Variants in RAB44 observed in about 807,000 individuals in gnomAD.
RAB44 encodes RAB44, member RAS oncogene family.
In RAB44, 67 loss-of-function variants were observed where a neutral mutation model predicts 93.3. That is an observed-to-expected ratio of 0.72 (90% CI 0.59 to 0.88). The LOEUF (loss-of-function observed/expected upper bound fraction) is 0.88. Ranked by LOEUF, RAB44 falls within the 40% of genes least tolerant of loss-of-function variation. The probability of loss-of-function intolerance (pLI) is 0.00; values close to 1 mark genes in which losing one functional copy is unlikely to be tolerated. For missense variants in RAB44, 1,064 were observed against 1,261.7 expected (o/e 0.84, Z 2.37); for synonymous variants, 427 against 520.3 (o/e 0.82, Z 2.44).
intron 11 of RAB44, 72 bp from the exon 12 acceptor site, chr6:36,728,628 T>C: frequency 7.8e-7 from 1 of 1,288,564 alleles, no homozygotes; most frequent in Non-Finnish European, 1.1e-6. Context: ...ACAGTTCAGC[T>C]TCTAGGAAGG....
At chr6:36,715,340 A>T in intron 3 of RAB44, 139 bp from the exon 4 acceptor site, 1 of 753,662 alleles carries the variant, frequency 1.3e-6, no homozygotes, top group Non-Finnish European at 2.1e-6. Flanking sequence ...GATATGAGAA[A>T]TATGTGAATG....
intron 1 of RAB44, among the ~76,000 whole-genome samples, chr6:36,703,757 C>T (rs938750468): frequency 3.3e-5 from 5 of 151,804 alleles, no homozygotes; most frequent in African/African-American, 4.8e-5. Context: ...GGATCCCTGA[C>T]GCAGCTGAGA....
At position 36,717,148 on chromosome 6, in the gene RAB44, G is replaced by T; in HGVS notation, c.495-125G>T. 1.1e-6 allele frequency: 1 copy of T among 908,352 alleles called. No homozygotes were observed. Among genetic ancestry groups the T allele is most frequent in the South Asian group, 5.9e-5 (1 of 17,090 alleles). 56.3% of individuals were successfully genotyped at this position (908,352 alleles called of 1,614,324 possible). ...AGTTGCATCTTGTAGGGTGTCAATA[G>T]ATTTGGCCCAGGTGCCAAAGTCTCT... On this transcript the variant is annotated intron_variant, in intron 4 of 13. Transcript: ENST00000612677. The surrounding 1 kb of genome is among the most constrained non-coding windows in gnomAD (Gnocchi z 4.1).
intron 1 of RAB44, among the ~76,000 whole-genome samples, chr6:36,698,540 T>A (rs1375336668): frequency 6.6e-6 from 1 of 152,130 alleles, no homozygotes; most frequent in Non-Finnish European, 1.5e-5. Context: ...TTTGCTCTCA[T>A]GTTTGGCTTC....
chr6:36,701,648 C>G (rs890573245), intron 1 of RAB44, among the ~76,000 whole-genome samples: 1 of 152,206 alleles, frequency 6.6e-6, no homozygotes, highest in African/African-American at 2.4e-5. Flanking sequence ...TTTCAGTGCT[C>G]TCCCAGCACC....
At chr6:36,719,642 A>T (rs965173336) in intron 7 of RAB44, among the ~76,000 whole-genome samples, 3 of 152,246 alleles carry the variant, frequency 2.0e-5, no homozygotes, top group Non-Finnish European at 4.4e-5. Context: ...GAAGAGTCGT[A>T]GGAGTTGAAA....
At position 36,704,371 on chromosome 6, in the gene RAB44, G is replaced by A. The variant is rs1312905312; in HGVS notation, c.136G>A (p.Ala46Thr). The A allele has an allele frequency of 6.5e-7, 1 of 1,536,002 alleles. No individual in the cohort carries two copies. The highest frequency in any genetic ancestry group is 1.4e-5 in the African/African-American group (1 of 73,046). ...EPESWSSQAA[A>T]ELQAFFQDCG... ...AGAGTCTTGGTCCTCTCAGGCAGCGGCAGAACTGCAGGCCTTCTTCCAGGA... is the reference window on the plus strand; with the variant it reads ...AGAGTCTTGGTCCTCTCAGGCAGCGACAGAACTGCAGGCCTTCTTCCAGGA... Residue 46 changes from alanine (A) to threonine (T), a missense_variant, in exon 2 of 14, where the codon GCA (alanine) becomes ACA (threonine). Coordinates refer to ENST00000612677, the MANE Select transcript of RAB44 (RefSeq NM_001257357.2).
At chr6:36,718,755 G>C (rs1007302391) in intron 7 of RAB44, among the ~76,000 whole-genome samples, 167 bp downstream of exon 7, 1 of 152,184 alleles carries the variant, frequency 6.6e-6, no homozygotes, top group Admixed American at 6.5e-5. Flanking sequence ...GCACGTAGTA[G>C]GTGCTTTGTG....
At position 36,732,926 on chromosome 6, in the gene RAB44, T is replaced by C. The variant is rs1224625290; in HGVS notation, c.*833T>C. On this transcript the variant is annotated 3_prime_UTR_variant, in exon 14 of 14. Coordinates refer to ENST00000612677, the MANE Select transcript of RAB44 (RefSeq NM_001257357.2). ...ATGCATTTGAGGGGCAGCTAGGGTG[T>C]GGCTGGGGGGTCCAAGCAGCTGGGG... 6.6e-6 allele frequency: 1 copy of C among 152,194 alleles called. No homozygotes were observed. The highest frequency in any genetic ancestry group is 1.5e-5 in the Non-Finnish European group (1 of 68,062). The allele number at this position is 152,194 out of a possible 1,614,324, so 9.4% of individuals were successfully genotyped here. A position where few individuals can be genotyped will look rare whatever the true frequency, so the allele number is the denominator to read the frequency against.
At position 36,731,698 on chromosome 6, in the gene RAB44, C is replaced by A. The variant is rs1763368073; in HGVS notation, c.2976-305C>A. ...CTGGTGTGAAGTCCCTGTGTGCCTC[C>A]CCATCATTCCCGGGCTGCAGTCACC... On this transcript the variant is annotated intron_variant, in intron 13 of 13. Coordinates refer to ENST00000612677, the MANE Select transcript of RAB44 (RefSeq NM_001257357.2). The surrounding 1 kb of genome is among the most constrained non-coding windows in gnomAD (Gnocchi z 4.0). Among the ~76,000 whole-genome samples, 1 of 152,128 alleles carries A rather than the reference C, an allele frequency of 6.6e-6. No homozygotes were observed. The highest frequency in any genetic ancestry group is 6.5e-5 in the Admixed American group (1 of 15,282).
At chr6:36,705,571 C>T (rs991573543) in intron 2 of RAB44, among the ~76,000 whole-genome samples, 44 of 152,010 alleles carry the variant, frequency 2.9e-4, no homozygotes, top group African/African-American at 9.7e-4. Context: ...TTAGTAGAGA[C>T]GGGGTTTCAC....
At chr6:36,704,891 G>A (rs1299796368) in intron 2 of RAB44, among the ~76,000 whole-genome samples, 3 of 151,956 alleles carry the variant, frequency 2.0e-5, no homozygotes, top group African/African-American at 7.3e-5. Context: ...AGGCCGAGGC[G>A]GGCGGATCAC....
intron 2 of RAB44, among the ~76,000 whole-genome samples, chr6:36,713,247 G>A (rs1050396352): frequency 2.6e-5 from 4 of 152,204 alleles, no homozygotes; most frequent in African/African-American, 9.7e-5. Flanking sequence ...CCAGGCTGGA[G>A]TGCAATGGCA....
At chr6:36,718,172 G>T in intron 6 of RAB44, 54 bp downstream of exon 6, 1 of 1,169,226 alleles carries the variant, frequency 8.6e-7, no homozygotes, top group East Asian at 3.2e-5. Context: ...CACCTCTGCT[G>T]GCTAAGGAAT....
chr6:36,705,589 G>A (rs1762629701), intron 2 of RAB44, among the ~76,000 whole-genome samples: 1 of 152,054 alleles, frequency 6.6e-6, no homozygotes, highest in Non-Finnish European at 1.5e-5. Context: ...CACCATGTTG[G>A]TCAGGCTGGT....
intron 11 of RAB44, 50 bp from the exon 12 acceptor site, chr6:36,728,650 G>A: frequency 6.7e-7 from 1 of 1,489,988 alleles, no homozygotes; most frequent in Non-Finnish European, 9.2e-7. Context: ...AAATGTGCCA[G>A]GAGCCTGGCA....
rs1157555548 is a variant in RAB44, at chr6:36,709,107, G to GGTTTCA, written c.207+4665_207+4666insGTTTCA. Among the ~76,000 whole-genome samples, 8 of 151,850 alleles carry GGTTTCA rather than the reference G, an allele frequency of 5.3e-5. No homozygotes were observed. The East Asian group carries it at 1.5e-3, about 29-fold the overall frequency. On this transcript the variant is annotated intron_variant, in intron 2 of 13. Coordinates refer to ENST00000612677, the MANE Select transcript of RAB44 (RefSeq NM_001257357.2). ...TTACAGGCGCCTGCCACCACCTCTG[G>GGTTTCA]CTATTTTTTTTTATTTTTATTTTTA...
At chr6:36,720,223 C>T (rs1280002077) in intron 7 of RAB44, 140 bp from the exon 8 acceptor site, 1 of 630,460 alleles carries the variant, frequency 1.6e-6, no homozygotes, top group Admixed American at 4.4e-5. Context: ...GGGATAACCG[C>T]CCACCACTAC....
rs749770162 is a variant in RAB44, at chr6:36,731,551, C to A, written c.2976-452C>A. Among the ~76,000 whole-genome samples the A allele has an allele frequency of 6.6e-6, 1 of 152,162 alleles. No homozygotes were observed. Among genetic ancestry groups the A allele is most frequent in the Non-Finnish European group, 1.5e-5 (1 of 68,036 alleles). ...TGCTTCCCCAGCCTCCAAGCTCTCT[C>A]GGCACTGAGCCGCGCCATGGCCCTC... On this transcript the variant is annotated intron_variant, in intron 13 of 13. Transcript: ENST00000612677. The surrounding 1 kb of genome is among the most constrained non-coding windows in gnomAD (Gnocchi z 4.0).
Sources: gnomAD v4.1 joint callset for allele counts (sites outside exome capture counted in the v4.1 genomes callset) on GRCh38, gnomAD v4.1.1 for gene constraint, Gnocchi (gnomAD v3.1) non-coding constraint, MANE v1.5 for transcripts, NCBI Gene and HGNC (gene_info 2026-07-23, HGNC 2026-07-21) for gene names.